Variants in ZNF888 observed in about 807,000 individuals in gnomAD.
ZNF888 encodes CTD-2331H12.6.
A neutral mutation model predicts 7.2 loss-of-function variants in ZNF888; 5 were observed. The ratio of observed to expected loss-of-function variants is 0.70; its 90% CI spans 0.36 to 1.46. The LOEUF (loss-of-function observed/expected upper bound fraction) is 1.46. Ranked by LOEUF, ZNF888 falls within the 40% of genes most tolerant of loss-of-function variation. ZNF888 has a pLI of 0.03. For synonymous variants in ZNF888, 240 were observed against 284.3 expected (o/e 0.84, Z 1.57); for missense variants, 716 against 858.0 (o/e 0.83, Z 2.07).
chr19:52,921,537 G>T, intron 1 of ZNF888: 2 of 455,002 alleles, frequency 4.4e-6, no homozygotes, highest in Non-Finnish European at 5.8e-6. Flanking sequence ...AATTAGAGAA[G>T]CATCTTTCAC....
Position 52,915,316 on chromosome 19 carries a change from A to T in ZNF888, c.22T>A (p.Leu8Met), listed in dbSNP as rs754317976. The change falls in exon 4 of 5, where the codon TTG becomes ATG. Residue 8 changes from leucine (L) to methionine (M), a missense_variant. Leu to Met is a conservative substitution (Grantham distance 15). Around this residue, in one of 2 missense-constraint regions of ZNF888, gnomAD observed 19 missense variants for 54.7 expected, o/e 0.35. Transcript: ENST00000638862. MALPQGL[L>M]TFRDVAIEFS... The stretch of plus-strand genomic sequence containing the variant: ...TCTATGGCCACATCCCTGAATGTCA[A>T]TAGACCCTGAAATGAAAACACATTT... 5 of 1,613,914 alleles carry T rather than the reference A, an allele frequency of 3.1e-6. No individual in the cohort carries two copies. Among genetic ancestry groups the T allele is most frequent in the Non-Finnish European group, 4.2e-6 (5 of 1,180,020 alleles).
intron 3 of ZNF888, 134 bp downstream of exon 3, chr19:52,917,725 T>C: frequency 2.7e-6 from 4 of 1,494,696 alleles, no homozygotes; most frequent in Non-Finnish European, 3.7e-6. Flanking sequence ...TGAGAGGGAC[T>C]GAGGGAAGGC....
chr19:52,905,009 G>T lies in ZNF888; in HGVS notation c.*1156C>A, dbSNP rs2064590665. ...AAGTAAGAAATACTTAGGAATAAAC[G>T]TACAAAGCTGAGAAGTTTGTACCTT... On this transcript the variant is annotated 3_prime_UTR_variant, in exon 5 of 5. Transcript: ENST00000638862. 6.5e-6 allele frequency: 1 copy of T among 152,910 alleles called. No individual in the cohort carries two copies. The allele number at this position is 152,910 out of a possible 1,614,324, so 9.5% of individuals were successfully genotyped here.
intron 1 of ZNF888, among the ~76,000 whole-genome samples, chr19:52,921,158 G>A (rs552580123): frequency 7.9e-5 from 12 of 152,300 alleles, no homozygotes; most frequent in African/African-American, 2.9e-4. Flanking sequence ...ACAATGACCT[G>A]AGACAGGAAG....
At position 52,906,975 on chromosome 19, in the gene ZNF888, T is replaced by C; in HGVS notation, c.1347A>G (p.Gln449=). ...KCNECGKVFN[Q]QSNLARHHRL... is the part of the protein sequence containing the mutation. ...TATGATGACGTGCAAGGTTTGATTG[T>C]TGATTGAAAACCTTGCCACATTCAT... The change falls in exon 5 of 5, where the codon CAA becomes CAG. Residue 449 remains glutamine, a synonymous_variant. Transcript: ENST00000638862. 6.2e-7 allele frequency: 1 copy of C among 1,613,090 alleles called. No individual in the cohort carries two copies. Among genetic ancestry groups the C allele is most frequent in the South Asian group, 1.1e-5 (1 of 90,984 alleles).
rs927333416 is a variant in ZNF888, at chr19:52,917,940, G to A, written c.-58-9C>T. On this transcript the variant is annotated splice_polypyrimidine_tract_variant and intron_variant, in intron 2 of 4. Coordinates refer to ENST00000638862, the MANE Select transcript of ZNF888 (RefSeq NM_001393938.1). Reference sequence around the variant, plus strand: ...CTTCACATACCCAGAGTCTTTAGAAGTCAATCATGAATGTTAGAAATATGT... The same window carrying A: ...CTTCACATACCCAGAGTCTTTAGAAATCAATCATGAATGTTAGAAATATGT... 2.5e-6 allele frequency: 4 copies of A among 1,607,226 alleles called. No individual in the cohort carries two copies. Among genetic ancestry groups the A allele is most frequent in the Admixed American group, 1.7e-5 (1 of 59,862 alleles).
intron 4 of ZNF888, chr19:52,914,500 T>C (rs2064721785): frequency 4.2e-6 from 1 of 239,064 alleles, no homozygotes; most frequent in Non-Finnish European, 6.8e-6. Flanking sequence ...TGCAGATAGA[T>C]CTAGGAAAAT....
chr19:52,907,733 G>A lies in ZNF888; in HGVS notation c.589C>T (p.His197Tyr), dbSNP rs913217080. 1.1e-5 allele frequency: 17 copies of A among 1,613,460 alleles called. No homozygotes were observed. The Admixed American group carries it at 1.2e-4, about 11-fold the overall frequency. ...TGTTTCTGTGTGAGTAATGAAGAAT[G>A]GAAGAAATTATTCCCATAGTTATTA... ...ISNNYGNNFF[H>Y]SSLLTQKQDV... The change falls in exon 5 of 5, where the codon CAT becomes TAT. Residue 197 changes from histidine to tyrosine, a missense_variant. By Grantham distance (83) the His-to-Tyr change is moderately conservative. Transcript: ENST00000638862.
chr19:52,907,564 T>C lies in ZNF888; in HGVS notation c.758A>G (p.Gln253Arg). The C allele has an allele frequency of 1.9e-6, 3 of 1,609,604 alleles. No individual in the cohort carries two copies. Among genetic ancestry groups the C allele is most frequent in the African/African-American group, 1.3e-5 (1 of 74,862 alleles). ...ACGATGGTGTGCAAGGTATCGCTTCTGATTAAAGTCTTTGCCACATACATC... is the reference window on the plus strand; with the variant it reads ...ACGATGGTGTGCAAGGTATCGCTTCCGATTAAAGTCTTTGCCACATACATC... ...KCDVCGKDFN[Q>R]KRYLAHHRRC... The change falls in exon 5 of 5, where the codon CAG (glutamine) becomes CGG (arginine). Residue 253 changes from glutamine (Q) to arginine (R), a missense_variant. By Grantham distance (43) the Gln-to-Arg change is conservative (BLOSUM62 1). Coordinates refer to ENST00000638862, the MANE Select transcript of ZNF888 (RefSeq NM_001393938.1).
At chr19:52,918,219 G>C (rs2064773180) in intron 2 of ZNF888, 1 of 985,292 alleles carries the variant, frequency 1.0e-6, no homozygotes, top group Non-Finnish European at 1.2e-6. Context: ...GCTGGGTGCG[G>C]TGGCTCATGC....
At position 52,905,490 on chromosome 19, in the gene ZNF888, AC is replaced by A. The variant is rs557644015; in HGVS notation, c.*674del. 1.5e-4 allele frequency: 25 copies of A among 166,872 alleles called. No individual in the cohort carries two copies. In the South Asian group the frequency reaches 3.7e-3, roughly 25 times the overall value. 10.3% of individuals were successfully genotyped at this position (166,872 alleles called of 1,614,324 possible). On this transcript the variant is annotated 3_prime_UTR_variant, in exon 5 of 5. Coordinates refer to ENST00000638862, the MANE Select transcript of ZNF888 (RefSeq NM_001393938.1). Reference sequence around the variant, plus strand: ...TCTGTTTTTGTTAAAGAAACAAAAAACAGGCTGGGAAAAGTGGCTCACGCCT... The same window carrying A: ...TCTGTTTTTGTTAAAGAAACAAAAAAAGGCTGGGAAAAGTGGCTCACGCCT...
intron 4 of ZNF888, among the ~76,000 whole-genome samples, chr19:52,913,067 A>T (rs929948679): frequency 2.6e-5 from 4 of 152,192 alleles, no homozygotes; most frequent in Non-Finnish European, 5.9e-5. Flanking sequence ...AGATCGCAAC[A>T]TTACATTTCA....
At chr19:52,923,122 C>A (rs2064841517) in intron 1 of ZNF888, among the ~76,000 whole-genome samples, 1 of 152,048 alleles carries the variant, frequency 6.6e-6, no homozygotes, top group Non-Finnish European at 1.5e-5. Context: ...CGGTTGTGAA[C>A]GGGAAAACTA....
chr19:52,914,293 G>A lies in ZNF888; in HGVS notation c.142+903C>T, dbSNP rs73936440. On this transcript the variant is annotated intron_variant, in intron 4 of 4. Transcript: ENST00000638862. ...TCTGCCCATCTGAGCTCTTACCTGC[G>A]TTTACACCTGTAATATATTCCCACC... The A allele has an allele frequency of 2.9e-3, 2,791 of 966,820 alleles. 43 individuals carry two copies. In the African/African-American group the frequency reaches 0.045, roughly 16 times the overall value. 59.9% of individuals were successfully genotyped at this position (966,820 alleles called of 1,614,324 possible).
At chr19:52,922,596 C>T (rs1156413985) in intron 1 of ZNF888, among the ~76,000 whole-genome samples, 1 of 152,160 alleles carries the variant, frequency 6.6e-6, no homozygotes, top group African/African-American at 2.4e-5. Context: ...TGTCTCTTGG[C>T]AAATCCCTGA....
rs2064610824 is a variant in ZNF888 at position 52,906,587 on chromosome 19, T to C, written c.1735A>G (p.Lys579Glu). Residue 579 changes from lysine to glutamate, a missense_variant, in exon 5 of 5, where the codon AAG (lysine) becomes GAG (glutamate). Physicochemically the swap from Lys to Glu is moderately conservative, Grantham distance 56. Transcript: ENST00000638862. The part of the protein sequence containing the change: ...HRLHTGEKPY[K>E]CNECGKVFRT... Reference sequence around the variant, plus strand: ...AAAACCTTGCCACATTCATTACACTTGTAAGGTTTCTCTCCAGTATGAAGT... The same window carrying C: ...AAAACCTTGCCACATTCATTACACTCGTAAGGTTTCTCTCCAGTATGAAGT... 2 of 1,613,918 alleles carry C rather than the reference T, an allele frequency of 1.2e-6. No individual in the cohort carries two copies. The highest frequency in any genetic ancestry group is 1.3e-5 in the African/African-American group (1 of 75,046).
At chr19:52,915,039 G>C (rs1008545361) in intron 4 of ZNF888, among the ~76,000 whole-genome samples, 157 bp downstream of exon 4, 3 of 152,124 alleles carry the variant, frequency 2.0e-5, no homozygotes, top group African/African-American at 7.2e-5. Context: ...TCTAAACAAA[G>C]GGGACAGTGA....
chr19:52,912,336 A>G (rs1228253158), intron 4 of ZNF888, among the ~76,000 whole-genome samples: 12 of 148,766 alleles, frequency 8.1e-5, no homozygotes, highest in Non-Finnish European at 1.2e-4. Flanking sequence ...GATGGCCTCT[A>G]TCTCCTGACC....
chr19:52,906,202 T>G lies in ZNF888; in HGVS notation c.2120A>C (p.His707Pro). 6.2e-7 allele frequency: 1 copy of G among 1,610,760 alleles called. No homozygotes were observed. Among genetic ancestry groups the G allele is most frequent in the Non-Finnish European group, 8.5e-7 (1 of 1,178,116 alleles). Residue 707 changes from histidine to proline, a missense_variant, in exon 5 of 5, where the codon CAC becomes CCC. This residue lies in a region of ZNF888 where 697 missense variants were observed against 803.4 expected (regional missense o/e 0.87). Transcript: ENST00000638862. Reference sequence around the variant, plus strand: ...CCCTACACCATGGATTGCCTGATGGTGAATAAGTGTTGACTGTGCACGAAA... The same window carrying G: ...CCCTACACCATGGATTGCCTGATGGGGAATAAGTGTTGACTGTGCACGAAA... The part of the protein sequence containing the change: ...KAFRAQSTLI[H>P]HQAIHGVGKL...
Sources: gnomAD v4.1 joint callset for allele counts (sites outside exome capture counted in the v4.1 genomes callset) on GRCh38, gnomAD v4.1.1 for gene constraint, gnomAD v4.1.1 regional missense constraint, MANE v1.5 for transcripts, NCBI Gene and HGNC (gene_info 2026-07-23, HGNC 2026-07-21) for gene names.